The following PANX3 variants were observed in gnomAD, a reference collection of about 807,000 sequenced individuals.
PANX3 encodes pannexin-3.
PANX3 carries 18 observed loss-of-function variants against 31.5 expected under a neutral mutation model. The ratio of observed to expected loss-of-function variants is 0.57; its 90% CI spans 0.39 to 0.85. The LOEUF (loss-of-function observed/expected upper bound fraction) is 0.85. Among genes scored for constraint, PANX3 ranks in the 40% least tolerant of loss-of-function variants. The probability of loss-of-function intolerance (pLI) is 0.00; values close to 1 mark genes in which losing one functional copy is unlikely to be tolerated. For synonymous variants in PANX3, 194 were observed against 201.6 expected (o/e 0.96, Z 0.32); for missense variants, 426 against 485.4 (o/e 0.88, Z 1.15).
In PANX3 at chr11:124,620,167, G is replaced by A. The variant is rs748218503; in HGVS notation, c.*232G>A. 4 of 525,886 alleles carry A rather than the reference G, an allele frequency of 7.6e-6. No individual in the cohort carries two copies. The highest frequency in any genetic ancestry group is 1.3e-5 in the Non-Finnish European group (4 of 304,136). The allele number at this position is 525,886 out of a possible 1,614,324, so 32.6% of individuals were successfully genotyped here. A position where few individuals can be genotyped will look rare whatever the true frequency, so the allele number is the denominator to read the frequency against. On this transcript the variant is annotated 3_prime_UTR_variant, in exon 4 of 4. Coordinates refer to ENST00000284288, the MANE Select transcript of PANX3 (RefSeq NM_052959.3). Reference sequence around the variant, plus strand: ...AAGAGTCAAAGAGCTAAAAAATTAAGTCTAGAACATTCTATGAGGATAGTA... The same window carrying A: ...AAGAGTCAAAGAGCTAAAAAATTAAATCTAGAACATTCTATGAGGATAGTA...
Position 124,616,695 on chromosome 11 carries a change from G to C in PANX3, c.325-579G>C, listed in dbSNP as rs1863156285. Reference sequence around the variant, plus strand: ...AAGAATCCCAAGACAGTGTCTGATAGTGTAGTTTGGCATTACCAAGAATCC... The same window carrying C: ...AAGAATCCCAAGACAGTGTCTGATACTGTAGTTTGGCATTACCAAGAATCC... On this transcript the variant is annotated intron_variant, in intron 2 of 3. Transcript: ENST00000284288. The surrounding 1 kb of genome is among the most constrained non-coding windows in gnomAD (Gnocchi z 4.8). 6.6e-6 allele frequency among the ~76,000 whole-genome samples: 1 copy of C among 152,246 alleles called. No individual in the cohort carries two copies. The highest frequency in any genetic ancestry group is 2.4e-5 in the African/African-American group (1 of 41,460).
At chr11:124,611,838 A>G in intron 1 of PANX3, 101 bp downstream of exon 1, 2 of 1,307,648 alleles carry the variant, frequency 1.5e-6, no homozygotes, top group Non-Finnish European at 2.1e-6. Flanking sequence ...ACGGGATTCC[A>G]TGGCTTCGGG....
chr11:124,619,933 T>C lies in PANX3; in HGVS notation c.1177T>C (p.Ter393GlnextTer18), dbSNP rs764295357. Residue 393 changes from the stop codon to glutamine, a stop_lost, in exon 4 of 4, where the codon TAG (stop) becomes CAG (glutamine). Transcript: ENST00000284288. ...CAACTCGGCATGTGATGAACACCCA[T>C]AGTTAAGAAACCATGGAGCAAGAAA... ...LTNSACDEHP[*>Q] The C allele has an allele frequency of 3.8e-6, 6 of 1,594,488 alleles. No individual in the cohort carries two copies. The highest frequency in any genetic ancestry group is 1.4e-5 in the African/African-American group (1 of 73,762).
chr11:124,617,552 T>C (rs933754610), intron 3 of PANX3, 64 bp downstream of exon 3: 2 of 1,497,640 alleles, frequency 1.3e-6, no homozygotes, highest in African/African-American at 1.4e-5. Flanking sequence ...TAACTTTGCA[T>C]AGTCATCTTT....
chr11:124,613,215 C>A, intron 2 of PANX3, 93 bp downstream of exon 2: 1 of 1,403,886 alleles, frequency 7.1e-7, no homozygotes, highest in Non-Finnish European at 9.5e-7. Context: ...ATCCCCACCA[C>A]CCCTAACCCA....
At chr11:124,613,214 A>G (rs1863115827) in intron 2 of PANX3, 92 bp downstream of exon 2, 8 of 1,395,234 alleles carry the variant, frequency 5.7e-6, no homozygotes, top group Admixed American at 2.5e-5. Context: ...TATCCCCACC[A>G]CCCCTAACCC....
chr11:124,611,855 T>A, intron 1 of PANX3, 118 bp downstream of exon 1: 1 of 1,140,486 alleles, frequency 8.8e-7, no homozygotes, highest in Non-Finnish European at 1.2e-6. Flanking sequence ...CGGGCTGGGC[T>A]GGATTATCCA....
intron 1 of PANX3, 111 bp from the exon 2 acceptor site, chr11:124,612,869 G>T (rs1565394229): frequency 3.7e-6 from 5 of 1,359,918 alleles, no homozygotes; most frequent in Non-Finnish European, 5.1e-6. Context: ...GGTGTGGGAA[G>T]AAGACAGTCC....
intron 3 of PANX3, among the ~76,000 whole-genome samples, chr11:124,618,069 CAAAT>C (rs1424934534): frequency 6.6e-6 from 1 of 152,058 alleles, no homozygotes; most frequent in Non-Finnish European, 1.5e-5. Flanking sequence ...GAAACACAGA[CAAAT>C]AAACAGAACA....
rs151083177 is a variant in PANX3, at chr11:124,613,021, C to A, written c.223C>A (p.Arg75=). 1 of 1,614,016 alleles carries A rather than the reference C, an allele frequency of 6.2e-7. No individual in the cohort carries two copies. The highest frequency in any genetic ancestry group is 8.5e-7 in the Non-Finnish European group (1 of 1,180,026). The change falls in exon 2 of 4, where the codon CGG becomes AGG. Residue 75 remains arginine, a synonymous_variant. Transcript: ENST00000284288. ...CTTCTCTCCCAGTAACTTCAGCATCCGGCAGGCAGCCTACGTGGACAGCTC... is the reference window on the plus strand; with the variant it reads ...CTTCTCTCCCAGTAACTTCAGCATCAGGCAGGCAGCCTACGTGGACAGCTC... The part of the protein sequence containing the change: ...SCFSPSNFSI[R]QAAYVDSSCW...
intron 3 of PANX3, among the ~76,000 whole-genome samples, chr11:124,619,009 C>A (rs1214247240): frequency 6.6e-6 from 1 of 152,190 alleles, no homozygotes; most frequent in African/African-American, 2.4e-5. Context: ...GATCCTACTT[C>A]AGCTTAGAAC....
chr11:124,614,293 G>A (rs1863128337), intron 2 of PANX3, among the ~76,000 whole-genome samples: 1 of 151,920 alleles, frequency 6.6e-6, no homozygotes. Context: ...AGACGGAGTT[G>A]TTTTGTGCTT....
rs1863111414 is a variant in PANX3 at position 124,613,114 on chromosome 11, C to A, written c.316C>A (p.Pro106Thr). Residue 106 changes from proline to threonine, a missense_variant, in exon 2 of 4, where the codon CCC becomes ACC. By Grantham distance (38) the Pro-to-Thr change is conservative. Coordinates refer to ENST00000284288, the MANE Select transcript of PANX3 (RefSeq NM_052959.3). ...PGQDKMKSLWPHKALPYSLLA... is the reference protein window; with the variant it reads ...PGQDKMKSLWTHKALPYSLLA... ...CCAGGACAAAATGAAATCTCTCTGG[C>A]CCCACAAGGTAAAGCAAACTCTCTG... 1.9e-6 allele frequency: 3 copies of A among 1,613,326 alleles called. No homozygotes were observed. Among genetic ancestry groups the A allele is most frequent in the Non-Finnish European group, 2.5e-6 (3 of 1,179,902 alleles).
rs749338438 is a variant in PANX3 at position 124,617,484 on chromosome 11, G to A, written c.535G>A (p.Glu179Lys). 1 of 1,614,132 alleles carries A rather than the reference G, an allele frequency of 6.2e-7. No individual in the cohort carries two copies. The highest frequency in any genetic ancestry group is 2.2e-5 in the East Asian group (1 of 44,886). The change falls in exon 3 of 4, where the codon GAG becomes AAG. Residue 179 changes from glutamate to lysine, a missense_variant. Physicochemically the swap from Glu to Lys is moderately conservative, Grantham distance 56 (BLOSUM62 1). Transcript: ENST00000284288. ...CCCCTATGTGTTCTGGAATGAGCTGGAGAAGTGAGTTGTCTCTTCCACCTT... is the reference window on the plus strand; with the variant it reads ...CCCCTATGTGTTCTGGAATGAGCTGAAGAAGTGAGTTGTCTCTTCCACCTT... ...SDPYVFWNEL[E>K]KARKERYFEF...
intron 2 of PANX3, among the ~76,000 whole-genome samples, chr11:124,613,519 C>G (rs76420016): frequency 6.6e-6 from 1 of 152,124 alleles, no homozygotes; most frequent in Non-Finnish European, 1.5e-5. Flanking sequence ...TCTAGGAACT[C>G]GGCTGTGGGT....
intron 2 of PANX3, among the ~76,000 whole-genome samples, chr11:124,614,360 C>T (rs560931847): frequency 1.3e-5 from 2 of 152,076 alleles, no homozygotes; most frequent in South Asian, 4.2e-4. Context: ...CTCTGCCTCC[C>T]GGGTTCAAGC....
At chr11:124,615,396 C>T (rs71470624) in intron 2 of PANX3, among the ~76,000 whole-genome samples, 3 of 152,152 alleles carry the variant, frequency 2.0e-5, no homozygotes, top group Admixed American at 1.3e-4. Flanking sequence ...CCTTTCTTTT[C>T]TACCCAGGTA....
At chr11:124,613,249 T>C in intron 2 of PANX3, 127 bp downstream of exon 2, 1 of 1,157,604 alleles carries the variant, frequency 8.6e-7, no homozygotes, top group Non-Finnish European at 1.2e-6. Flanking sequence ...CTTACTTTCA[T>C]GTTTCAGGCA....
At position 124,616,521 on chromosome 11, in the gene PANX3, AG is replaced by A. The variant is rs1863154336; in HGVS notation, c.325-751del. Among the ~76,000 whole-genome samples the A allele has an allele frequency of 6.6e-6, 1 of 152,230 alleles. No homozygotes were observed. Among genetic ancestry groups the A allele is most frequent in the Non-Finnish European group, 1.5e-5 (1 of 68,038 alleles). ...TGAGGTACTGAGAATTAGGACTTCAAGGTATGAATGGAGGGAGGTGGACATG... is the reference window on the plus strand; with the variant it reads ...TGAGGTACTGAGAATTAGGACTTCAAGTATGAATGGAGGGAGGTGGACATG... On this transcript the variant is annotated intron_variant, in intron 2 of 3. Transcript: ENST00000284288. The surrounding 1 kb of genome is among the most constrained non-coding windows in gnomAD (Gnocchi z 4.8).
Sources: allele counts gnomAD v4.1 joint callset (sites outside exome capture counted in the v4.1 genomes callset), GRCh38; gene constraint gnomAD v4.1.1; non-coding constraint Gnocchi (gnomAD v3.1); transcripts MANE v1.5; gene names NCBI Gene and HGNC (gene_info 2026-07-23, HGNC 2026-07-21).